TOX: variants seen among roughly 807,000 people sequenced by gnomAD.
The protein encoded by TOX is thymocyte selection associated high mobility group box.
TOX carries 11 observed loss-of-function variants against 53.7 expected under a neutral mutation model. The ratio of observed to expected loss-of-function variants is 0.20; its 90% confidence interval spans 0.13 to 0.34. The LOEUF (loss-of-function observed/expected upper bound fraction) is 0.34. TOX is among the 10% of genes least tolerant of loss of function. The pLI is 1.00. For synonymous variants in TOX, 225 were observed against 245.3 expected (o/e 0.92, Z 0.77); for missense variants, 570 against 664.6 (o/e 0.86, Z 1.56).
intron 2 of TOX, among the ~76,000 whole-genome samples, chr8:58,944,307 G>T (rs1168902190): frequency 1.3e-5 from 2 of 152,194 alleles, no homozygotes; most frequent in Admixed American, 1.3e-4. Context: ...AAGCCCACAA[G>T]GGAACTGTTG....
Position 59,117,202 on chromosome 8 carries a change from T to C in TOX, c.102+1684A>G, listed in dbSNP as rs1805115397. 6.6e-6 allele frequency among the ~76,000 whole-genome samples: 1 copy of C among 152,252 alleles called. No individual in the cohort carries two copies. The highest frequency in any genetic ancestry group is 1.5e-5 in the Non-Finnish European group (1 of 68,046). On this transcript the variant is annotated intron_variant, in intron 1 of 8. Transcript: ENST00000361421. This position sits in a 1 kb window ranked among gnomAD's most constrained non-coding sequence, Gnocchi z 4.6. Reference sequence around the variant, plus strand: ...AGATAGGGCTGCAACTTTATTATTTTTTATTAGCAATAGTATTGGTGTCAT... The same window carrying C: ...AGATAGGGCTGCAACTTTATTATTTCTTATTAGCAATAGTATTGGTGTCAT...
chr8:59,071,295 T>TA (rs1804193839), intron 1 of TOX, among the ~76,000 whole-genome samples: 1 of 152,126 alleles, frequency 6.6e-6, no homozygotes, highest in South Asian at 2.1e-4. Context: ...TCTCCACCCT[T>TA]AATACACACC....
At chr8:59,085,069 T>G (rs1016755847) in intron 1 of TOX, among the ~76,000 whole-genome samples, 5 of 152,190 alleles carry the variant, frequency 3.3e-5, no homozygotes, top group Non-Finnish European at 5.9e-5. Flanking sequence ...AATGGGCCCC[T>G]GCAGGTCTGC....
chr8:58,897,051 A>C (rs1397170648), intron 3 of TOX, among the ~76,000 whole-genome samples: 4 of 152,230 alleles, frequency 2.6e-5, no homozygotes. Flanking sequence ...GGAGATAATA[A>C]TAAAAATATT....
At chr8:59,063,424 G>A (rs1328247665) in intron 1 of TOX, among the ~76,000 whole-genome samples, 1 of 144,804 alleles carries the variant, frequency 6.9e-6, no homozygotes, top group Non-Finnish European at 1.5e-5. Flanking sequence ...TAAGGATATA[G>A]ACTTTTTTTT....
chr8:59,096,445 T>C (rs897899728), intron 1 of TOX, among the ~76,000 whole-genome samples: 3 of 152,196 alleles, frequency 2.0e-5, no homozygotes, highest in African/African-American at 7.2e-5. Flanking sequence ...TCCCCTTTTA[T>C]GGGATACATG....
chr8:59,000,221 T>A (rs568720370), intron 1 of TOX, among the ~76,000 whole-genome samples: 1 of 152,208 alleles, frequency 6.6e-6, no homozygotes, highest in East Asian at 1.9e-4. Context: ...AGATAATAGC[T>A]GAAGGGGTTA....
chr8:59,042,021 C>T (rs1803597212), intron 1 of TOX, among the ~76,000 whole-genome samples: 1 of 152,112 alleles, frequency 6.6e-6, no homozygotes, highest in Non-Finnish European at 1.5e-5. Context: ...GAAAATTCTC[C>T]CTAGTTTTCT....
At chr8:59,010,886 T>G (rs1051328879) in intron 1 of TOX, among the ~76,000 whole-genome samples, 2 of 152,218 alleles carry the variant, frequency 1.3e-5, no homozygotes, top group African/African-American at 4.8e-5. Context: ...TTAGCTTCTG[T>G]GATATGGCTC....
At chr8:59,019,707 G>A (rs1455799958) in intron 1 of TOX, among the ~76,000 whole-genome samples, 5 of 152,158 alleles carry the variant, frequency 3.3e-5, no homozygotes, top group Admixed American at 2.6e-4. Context: ...TATTTTCTGT[G>A]TGTGTAGCCA....
At chr8:59,000,510 A>G (rs529987818) in intron 1 of TOX, among the ~76,000 whole-genome samples, 3 of 152,186 alleles carry the variant, frequency 2.0e-5, no homozygotes, top group African/African-American at 7.2e-5. Context: ...AATTTTCATT[A>G]TACTCATCTT....
intron 1 of TOX, among the ~76,000 whole-genome samples, chr8:58,980,030 G>C (rs892626261): frequency 1.3e-5 from 2 of 152,182 alleles, no homozygotes; most frequent in Non-Finnish European, 2.9e-5. Context: ...ATGGATTTGG[G>C]AGATGGTTGC....
chr8:58,958,438 C>G (rs1256568470), intron 2 of TOX, among the ~76,000 whole-genome samples: 1 of 152,182 alleles, frequency 6.6e-6, no homozygotes, highest in African/African-American at 2.4e-5. Context: ...CAAACAAATT[C>G]AATTAGCCCT....
chr8:59,068,557 T>G (rs907405065), intron 1 of TOX, among the ~76,000 whole-genome samples: 2 of 152,174 alleles, frequency 1.3e-5, no homozygotes, highest in African/African-American at 4.8e-5. Flanking sequence ...AAAACTAAAC[T>G]TTTATTGAGA....
At chr8:58,883,711 T>C (rs1248008700) in intron 3 of TOX, among the ~76,000 whole-genome samples, 2 of 152,092 alleles carry the variant, frequency 1.3e-5, no homozygotes, top group African/African-American at 4.8e-5. Context: ...TCTATGAACA[T>C]TGTTCATTCG....
chr8:58,909,500 CA>C (rs34610042), intron 3 of TOX, among the ~76,000 whole-genome samples: 3 of 151,116 alleles, frequency 2.0e-5, no homozygotes, highest in Admixed American at 6.6e-5. Flanking sequence ...CAACCATTTA[CA>C]AAAAAAAAGT....
chr8:58,807,710 C>T lies in TOX; in HGVS notation c.*37G>A. On this transcript the variant is annotated 3_prime_UTR_variant, in exon 9 of 9. Transcript: ENST00000361421. The stretch of plus-strand genomic sequence containing the variant: ...AGCAATCCATGGTGAAAACACTTCC[C>T]TGAATTCCTCAGTGGAAAGAAGAGG... 3 of 1,612,524 alleles carry T rather than the reference C, an allele frequency of 1.9e-6. No homozygotes were observed. The highest frequency in any genetic ancestry group is 2.2e-5 in the East Asian group (1 of 44,844).
chr8:59,009,267 C>T (rs1166352176), intron 1 of TOX, among the ~76,000 whole-genome samples: 1 of 151,668 alleles, frequency 6.6e-6, no homozygotes, highest in Non-Finnish European at 1.5e-5. Context: ...CAGCTCTCAT[C>T]TTCCATTGTA....
intron 1 of TOX, among the ~76,000 whole-genome samples, chr8:59,065,427 TAAC>T (rs887465859): frequency 6.6e-6 from 1 of 152,222 alleles, no homozygotes; most frequent in Non-Finnish European, 1.5e-5. Context: ...ACAAAGCAGA[TAAC>T]AAGTTTTGTT....
Sources: allele counts gnomAD v4.1 joint callset (sites outside exome capture counted in the v4.1 genomes callset), GRCh38; gene constraint gnomAD v4.1.1; non-coding constraint Gnocchi (gnomAD v3.1); transcripts MANE v1.5; gene names NCBI Gene and HGNC (gene_info 2026-07-23, HGNC 2026-07-21).